Variants in RAD54L2 observed in about 807,000 individuals in gnomAD.
The protein encoded by RAD54L2 is RAD54 like 2, also known as helicase ARIP4.
Under a neutral mutation model 138.4 loss-of-function variants are expected in RAD54L2, and 27 were observed. The ratio of observed to expected loss-of-function variants is 0.20; its 90% CI spans 0.14 to 0.27. RAD54L2 has a LOEUF of 0.27. Among genes scored for constraint, RAD54L2 ranks in the 10% least tolerant of loss-of-function variants. RAD54L2 has a pLI of 1.00. For synonymous variants in RAD54L2, 644 were observed against 723.2 expected (o/e 0.89, Z 1.76); for missense variants, 1,396 against 1,890.2 (o/e 0.74, Z 4.85).
intron 2 of RAD54L2, among the ~76,000 whole-genome samples, chr3:51,588,913 A>G (rs1699774344): frequency 6.6e-6 from 1 of 152,034 alleles, no homozygotes; most frequent in South Asian, 2.1e-4. Flanking sequence ...CACTCCCTCA[A>G]GATGTCTTTA....
chr3:51,635,841 A>G, intron 10 of RAD54L2, 52 bp downstream of exon 10: 4 of 1,498,358 alleles, frequency 2.7e-6, no homozygotes, highest in Non-Finnish European at 9.0e-7. Flanking sequence ...GAAAAAAGAA[A>G]TCATGTCTAC....
At position 51,633,999 on chromosome 3, in the gene RAD54L2, G is replaced by T; in HGVS notation, c.1106G>T (p.Arg369Leu). 6.2e-7 allele frequency: 1 copy of T among 1,613,818 alleles called. No homozygotes were observed. The highest frequency in any genetic ancestry group is 8.5e-7 in the Non-Finnish European group (1 of 1,179,882). The stretch of plus-strand genomic sequence containing the variant: ...AACAAGCCTGAAGAAGTCCAGCCTC[G>T]GTTCTTTAAAGTTCACATCTTGAAT... ...ADNKPEEVQP[R>L]FFKVHILNDE... Residue 369 changes from arginine (R) to leucine (L), a missense_variant, in exon 9 of 23, where the codon CGG becomes CTG. Physicochemically the swap from Arg to Leu is moderately radical, Grantham distance 102. This residue lies in a region of RAD54L2 where 169 missense variants were observed against 235.6 expected (regional missense o/e 0.72). Transcript: ENST00000684192.
At chr3:51,615,577 C>A (rs1441183146) in intron 3 of RAD54L2, among the ~76,000 whole-genome samples, 1 of 152,046 alleles carries the variant, frequency 6.6e-6, no homozygotes, top group African/African-American at 2.4e-5. Context: ...CATAATGATA[C>A]AATGGTGAAT....
At chr3:51,590,311 A>G in intron 2 of RAD54L2, 56 bp from the exon 3 acceptor site, 1 of 1,303,724 alleles carries the variant, frequency 7.7e-7, no homozygotes, top group African/African-American at 1.5e-5. Flanking sequence ...TCTTTGAAAG[A>G]CTTGTGTTCC....
intron 3 of RAD54L2, among the ~76,000 whole-genome samples, chr3:51,612,155 G>T (rs1029974829): frequency 2.0e-5 from 3 of 152,172 alleles, no homozygotes; most frequent in Admixed American, 6.6e-5. Flanking sequence ...TGGAGAAAGT[G>T]GGGGAGTACT....
At chr3:51,542,403 C>G (rs1482465995) in intron 2 of RAD54L2, among the ~76,000 whole-genome samples, 2 of 151,406 alleles carry the variant, frequency 1.3e-5, no homozygotes, top group African/African-American at 4.9e-5. Flanking sequence ...AGGCAGCTGT[C>G]TGCACCTGTT....
chr3:51,590,030 G>A (rs1291814764), intron 2 of RAD54L2, among the ~76,000 whole-genome samples: 3 of 151,890 alleles, frequency 2.0e-5, no homozygotes, highest in Non-Finnish European at 2.9e-5. Context: ...TCACCTCGTC[G>A]CTCAGGCTGG....
rs141592087 is a variant in RAD54L2 at position 51,555,649 on chromosome 3, C to T, written c.-55+13999C>T. Among the ~76,000 whole-genome samples the T allele has an allele frequency of 1.3e-3, 195 of 152,276 alleles. 1 individual carries two copies. The highest frequency in any genetic ancestry group is 5.0e-3 in the Admixed American group (77 of 15,282). On this transcript the variant is annotated intron_variant, in intron 2 of 22. Coordinates refer to ENST00000684192, the MANE Select transcript of RAD54L2 (RefSeq NM_015106.4). ...TTCCAGCCTGGGTGACAGAGTGAGACCAAGCTGTAACTCAACCACCATCGG... is the reference window on the plus strand; with the variant it reads ...TTCCAGCCTGGGTGACAGAGTGAGATCAAGCTGTAACTCAACCACCATCGG...
intron 16 of RAD54L2, 77 bp downstream of exon 16, chr3:51,644,051 C>A: frequency 8.7e-7 from 1 of 1,143,256 alleles, no homozygotes; most frequent in Non-Finnish European, 1.3e-6. Flanking sequence ...CCCAAAACTC[C>A]AAGTTCCCTC....
intron 2 of RAD54L2, among the ~76,000 whole-genome samples, chr3:51,544,618 ATTG>A (rs1698637980): frequency 6.6e-6 from 1 of 152,048 alleles, no homozygotes; most frequent in Non-Finnish European, 1.5e-5. Context: ...TGATTGATTG[ATTG>A]GAGATGGAGT....
intron 6 of RAD54L2, 42 bp downstream of exon 6, chr3:51,630,430 T>C: frequency 6.5e-7 from 1 of 1,546,584 alleles, no homozygotes. Context: ...CGACCTGGTG[T>C]TCATGCTGAG....
chr3:51,541,795 G>GTATA (rs1487811843), intron 2 of RAD54L2, 145 bp downstream of exon 2: 1 of 152,114 alleles, frequency 6.6e-6, no homozygotes, highest in Non-Finnish European at 1.5e-5. Context: ...ATCTCTCTGT[G>GTATA]TATATATCTT....
At chr3:51,631,622 G>A (rs531174959) in intron 7 of RAD54L2, among the ~76,000 whole-genome samples, 1 of 151,386 alleles carries the variant, frequency 6.6e-6, no homozygotes, top group East Asian at 1.9e-4. Context: ...GGGATAACAG[G>A]CCTAAGCCAT....
intron 2 of RAD54L2, among the ~76,000 whole-genome samples, chr3:51,547,865 C>A (rs1461335803): frequency 2.0e-5 from 3 of 151,654 alleles, no homozygotes; most frequent in African/African-American, 7.3e-5. Flanking sequence ...TACAGACGTG[C>A]CCAGCCTATA....
In RAD54L2 at chr3:51,633,689, T is replaced by G; in HGVS notation, c.938T>G (p.Leu313Trp). ...CACAGCATGGGTCTGGGGAAAACTT[T>G]GCAAGTGATCTCTTTCATCGACGTC... ...LAHSMGLGKT[L>W]QVISFIDVLF... Residue 313 changes from leucine (L) to tryptophan (W), a missense_variant, in exon 8 of 23, where the codon TTG (leucine) becomes TGG (tryptophan). Transcript: ENST00000684192. 1 of 1,614,018 alleles carries G rather than the reference T, an allele frequency of 6.2e-7. No homozygotes were observed. The highest frequency in any genetic ancestry group is 8.5e-7 in the Non-Finnish European group (1 of 1,179,894).
chr3:51,572,629 GGT>G (rs1699361431), intron 2 of RAD54L2, among the ~76,000 whole-genome samples: 1 of 151,110 alleles, frequency 6.6e-6, no homozygotes, highest in Non-Finnish European at 1.5e-5. Flanking sequence ...AAAAGTAAAA[GGT>G]GCTATAAATC....
chr3:51,593,511 A>G (rs924003745), intron 3 of RAD54L2, among the ~76,000 whole-genome samples: 11 of 151,794 alleles, frequency 7.2e-5, no homozygotes, highest in Non-Finnish European at 1.2e-4. Context: ...TTTTTGTATT[A>G]TTAGTAGAGA....
intron 3 of RAD54L2, among the ~76,000 whole-genome samples, chr3:51,594,992 G>A (rs1029055037): frequency 2.7e-5 from 4 of 148,658 alleles, no homozygotes; most frequent in Non-Finnish European, 5.9e-5. Flanking sequence ...AGCCTCCTGA[G>A]TAGCTGGGAC....
In RAD54L2 at chr3:51,662,696, G is replaced by T; in HGVS notation, c.3680G>T (p.Gly1227Val). The T allele has an allele frequency of 6.2e-7, 1 of 1,613,908 alleles. No individual in the cohort carries two copies. Among genetic ancestry groups the T allele is most frequent in the African/African-American group, 1.3e-5 (1 of 75,052 alleles). Reference protein sequence around the residue: ...GTALGTEPRLGGHCLNSSLLV... With the variant: ...GTALGTEPRLVGHCLNSSLLV... ...GCTCTCGGAACTGAGCCTCGACTAGGGGGTCATTGCCTCAATAGTTCCCTC... is the reference window on the plus strand; with the variant it reads ...GCTCTCGGAACTGAGCCTCGACTAGTGGGTCATTGCCTCAATAGTTCCCTC... Residue 1227 changes from glycine to valine, a missense_variant, in exon 23 of 23, where the codon GGG becomes GTG. Coordinates refer to ENST00000684192, the MANE Select transcript of RAD54L2 (RefSeq NM_015106.4). The surrounding 1 kb of genome is among the most constrained non-coding windows in gnomAD (Gnocchi z 4.6).
Sources: gnomAD v4.1 joint callset for allele counts (sites outside exome capture counted in the v4.1 genomes callset) on GRCh38, gnomAD v4.1.1 for gene constraint, gnomAD v4.1.1 regional missense constraint, Gnocchi (gnomAD v3.1) non-coding constraint, MANE v1.5 for transcripts, NCBI Gene and HGNC (gene_info 2026-07-23, HGNC 2026-07-21) for gene names.